Variants in ITGA1 observed in about 807,000 individuals in gnomAD.
The protein encoded by ITGA1 is integrin subunit alpha 1, also known as integrin alpha-1.
A neutral mutation model predicts 145.9 loss-of-function variants in ITGA1; 85 were observed. The observed-to-expected ratio is 0.58, with a 90% CI of 0.49 to 0.70. ITGA1 has a LOEUF of 0.70. Among genes scored for constraint, ITGA1 ranks in the 30% least tolerant of loss-of-function variants. The pLI, the probability that ITGA1 is intolerant of heterozygous loss-of-function variation, is 0.00. For synonymous variants in ITGA1, 520 were observed against 495.3 expected (o/e 1.05, Z -0.66); for missense variants, 1,351 against 1,418.7 (o/e 0.95, Z 0.77).
At chr5:52,915,623 CTG>C in intron 15 of ITGA1, 29 bp downstream of exon 15, 1 of 1,611,204 alleles carries the variant, frequency 6.2e-7, no homozygotes, top group East Asian at 2.2e-5. Context: ...TCCTGTTAAT[CTG>C]AGACTGGGTC....
intron 15 of ITGA1, among the ~76,000 whole-genome samples, chr5:52,917,887 T>C (rs1750671809): frequency 2.0e-5 from 3 of 152,212 alleles, no homozygotes; most frequent in Admixed American, 1.3e-4. Flanking sequence ...ACCACCTTTT[T>C]TTAATGCAAA....
chr5:52,801,380 T>C (rs375504463), intron 1 of ITGA1: 104 of 1,568,906 alleles, frequency 6.6e-5, no homozygotes, highest in Non-Finnish European at 8.9e-5. Context: ...GGAGATTATT[T>C]TGCCTAACTT....
intron 8 of ITGA1, among the ~76,000 whole-genome samples, chr5:52,891,554 C>G (rs1389892058): frequency 1.4e-5 from 1 of 73,386 alleles, no homozygotes; most frequent in East Asian, 4.5e-4. Context: ...ATCATGAACA[C>G]TAAAAAAAAA....
chr5:52,837,862 T>C (rs1363184006), intron 1 of ITGA1, among the ~76,000 whole-genome samples: 1 of 152,162 alleles, frequency 6.6e-6, no homozygotes, highest in Non-Finnish European at 1.5e-5. Flanking sequence ...TAGAGTTATC[T>C]CAAAACAGAA....
intron 1 of ITGA1, among the ~76,000 whole-genome samples, chr5:52,826,335 A>C (rs2111712741): frequency 6.6e-6 from 1 of 152,326 alleles, no homozygotes; most frequent in African/African-American, 2.4e-5. Flanking sequence ...GCAGAAGAAA[A>C]GTTGGAAGCT....
Position 52,906,254 on chromosome 5 carries a change from T to C in ITGA1, c.1455+346T>C, listed in dbSNP as rs546704269. Among the ~76,000 whole-genome samples the C allele has an allele frequency of 8.4e-4, 128 of 152,280 alleles. 1 individual carries two copies. The highest frequency in any genetic ancestry group is 7.5e-3 in the South Asian group (36 of 4,824). The stretch of plus-strand genomic sequence containing the variant: ...AAGCTAGGATTGGTGCAGAAAAGCT[T>C]ATTAGAAGATGAAATTCGGGCTGAA... On this transcript the variant is annotated intron_variant, in intron 12 of 28. Coordinates refer to ENST00000282588, the MANE Select transcript of ITGA1 (RefSeq NM_181501.2).
At chr5:52,854,067 G>T (rs1749470148) in intron 2 of ITGA1, among the ~76,000 whole-genome samples, 1 of 152,052 alleles carries the variant, frequency 6.6e-6, no homozygotes, top group Non-Finnish European at 1.5e-5. Context: ...CCTTTCTTGG[G>T]GGTTTCAGTG....
chr5:52,831,660 A>G (rs2111722027), intron 1 of ITGA1, among the ~76,000 whole-genome samples: 1 of 151,994 alleles, frequency 6.6e-6, no homozygotes, highest in East Asian at 1.9e-4. Flanking sequence ...TAATTTAATT[A>G]CATCTTAAAT....
chr5:52,853,877 G>A lies in ITGA1; in HGVS notation c.182+4392G>A, dbSNP rs568379404. On this transcript the variant is annotated intron_variant, in intron 2 of 28. Transcript: ENST00000282588. ...CTTTGAGGAAAAGAAATTCAAACATGCTCAGCACAGCACAAGCCTTCCAGA... is the reference window on the plus strand; with the variant it reads ...CTTTGAGGAAAAGAAATTCAAACATACTCAGCACAGCACAAGCCTTCCAGA... Among the ~76,000 whole-genome samples, 7 of 152,272 alleles carry A rather than the reference G, an allele frequency of 4.6e-5. No homozygotes were observed. In the East Asian group the frequency reaches 1.3e-3, roughly 29 times the overall value.
intron 1 of ITGA1, among the ~76,000 whole-genome samples, chr5:52,819,409 AT>A (rs1748831090): frequency 6.6e-6 from 1 of 152,182 alleles, no homozygotes; most frequent in South Asian, 2.1e-4. Context: ...GATGATGAGC[AT>A]TTTTTCATGT....
chr5:52,846,873 C>T (rs556440007), intron 1 of ITGA1, among the ~76,000 whole-genome samples: 2 of 151,700 alleles, frequency 1.3e-5, no homozygotes, highest in East Asian at 3.9e-4. Context: ...TTGAAAATTT[C>T]TATCTCCATA....
In ITGA1 at chr5:52,892,514, A is replaced by T. The variant is rs1401943652; in HGVS notation, c.925-1161A>T. 2.0e-5 allele frequency among the ~76,000 whole-genome samples: 3 copies of T among 152,212 alleles called. No individual in the cohort carries two copies. In the East Asian group the frequency reaches 5.8e-4, roughly 29 times the overall value. On this transcript the variant is annotated intron_variant, in intron 8 of 28. Transcript: ENST00000282588. ...CATTTCTAGTTATTTACTCAAGAGAAAAGAAAATATATGTCTATTACAGAG... is the reference window on the plus strand; with the variant it reads ...CATTTCTAGTTATTTACTCAAGAGATAAGAAAATATATGTCTATTACAGAG...
At chr5:52,877,486 A>T (rs189930267) in intron 6 of ITGA1, among the ~76,000 whole-genome samples, 180 of 152,344 alleles carry the variant, frequency 1.2e-3, no homozygotes, top group Admixed American at 2.1e-3. Context: ...GTGCCATGTT[A>T]GTTTACCATT....
chr5:52,805,176 A>G (rs1748566242), intron 1 of ITGA1, among the ~76,000 whole-genome samples: 1 of 152,156 alleles, frequency 6.6e-6, no homozygotes, highest in African/African-American at 2.4e-5. Context: ...GGAGAAATTA[A>G]GTGGGAAGAT....
At chr5:52,894,617 C>A (rs908056594) in intron 9 of ITGA1, among the ~76,000 whole-genome samples, 1 of 152,162 alleles carries the variant, frequency 6.6e-6, no homozygotes, top group African/African-American at 2.4e-5. Context: ...GAACATGCGC[C>A]TTTTCTCCAA....
At chr5:52,870,407 C>T (rs771917350) in intron 6 of ITGA1, among the ~76,000 whole-genome samples, 28 of 151,140 alleles carry the variant, frequency 1.9e-4, no homozygotes, top group African/African-American at 6.4e-4. Context: ...AACTTTTAGA[C>T]TCCTCATCCA....
At chr5:52,795,618 T>C (rs1287153318) in intron 1 of ITGA1, among the ~76,000 whole-genome samples, 1 of 151,912 alleles carries the variant, frequency 6.6e-6, no homozygotes, top group Non-Finnish European at 1.5e-5. Context: ...CCAAAGATTA[T>C]CCATCAGTCA....
intron 1 of ITGA1, among the ~76,000 whole-genome samples, chr5:52,819,822 G>A (rs1347747647): frequency 1.3e-5 from 2 of 151,948 alleles, no homozygotes; most frequent in Non-Finnish European, 2.9e-5. Context: ...ATTAATTTTT[G>A]TATAAGGTGT....
chr5:52,890,724 G>A lies in ITGA1; in HGVS notation c.924+2759G>A, dbSNP rs1280059975. Among the ~76,000 whole-genome samples the A allele has an allele frequency of 2.0e-5, 3 of 152,130 alleles. No homozygotes were observed. In the East Asian group the frequency reaches 5.8e-4, roughly 29 times the overall value. Reference sequence around the variant, plus strand: ...CCTCAGACACTTATCATTTCTTTGTGTTGGGAATATTCCAAATCTTCTCCT... The same window carrying A: ...CCTCAGACACTTATCATTTCTTTGTATTGGGAATATTCCAAATCTTCTCCT... On this transcript the variant is annotated intron_variant, in intron 8 of 28. Transcript: ENST00000282588.
Sources: gnomAD v4.1 joint callset for allele counts (sites outside exome capture counted in the v4.1 genomes callset) on GRCh38, gnomAD v4.1.1 for gene constraint, MANE v1.5 for transcripts, NCBI Gene and HGNC (gene_info 2026-07-23, HGNC 2026-07-21) for gene names.